Variants in RMDN2 observed in about 807,000 individuals in gnomAD.
RMDN2 encodes the protein regulator of microtubule dynamics 2.
In RMDN2, 61 loss-of-function variants were observed where a neutral mutation model predicts 52.8. That is an observed-to-expected ratio of 1.16 (90% CI 0.94 to 1.43). The LOEUF is 1.43. RMDN2 is among the 40% of genes most tolerant of loss of function. The pLI is 0.00. For missense variants in RMDN2, 592 were observed against 475.3 expected (o/e 1.25, Z -2.28); for synonymous variants, 180 against 153.1 (o/e 1.18, Z -1.30).
At chr2:37,985,665 G>T (rs560640004) in intron 5 of RMDN2, among the ~76,000 whole-genome samples, 2 of 152,190 alleles carry the variant, frequency 1.3e-5, no homozygotes, top group East Asian at 3.9e-4. Context: ...AAGTATGCTT[G>T]TAAAAGTTAC....
At chr2:37,948,723 G>C (rs930885299) in intron 2 of RMDN2, among the ~76,000 whole-genome samples, 2 of 152,060 alleles carry the variant, frequency 1.3e-5, no homozygotes, top group Non-Finnish European at 2.9e-5. Context: ...TTTCTTTTCT[G>C]ATGTCTGAGC....
At chr2:37,970,268 T>C (rs1275950080) in intron 2 of RMDN2, among the ~76,000 whole-genome samples, 1 of 152,156 alleles carries the variant, frequency 6.6e-6, no homozygotes, top group Non-Finnish European at 1.5e-5. Flanking sequence ...TGAAGTGGTG[T>C]TGGAATTTAT....
rs376426321 is a variant in RMDN2, at chr2:37,981,320, C to T, written c.768C>T (p.Pro256=). 1.2e-4 allele frequency: 186 copies of T among 1,606,302 alleles called. No individual in the cohort carries two copies. Among genetic ancestry groups the T allele is most frequent in the Non-Finnish European group, 1.5e-4 (181 of 1,173,088 alleles). Residue 256 remains proline, a synonymous_variant, in exon 5 of 11, where the codon CCC becomes CCT. Transcript: ENST00000354545. ...TLSERAINRA[P]MNGHCHLWYA... is the part of the protein sequence containing the mutation. ...GTGAAAGAGCTATTAATAGAGCACCCATGAATGGACATTGTCATCTGTGGT... is the reference window on the plus strand; with the variant it reads ...GTGAAAGAGCTATTAATAGAGCACCTATGAATGGACATTGTCATCTGTGGT...
At chr2:37,974,545 A>G (rs1672216397) in intron 3 of RMDN2, 1 of 154,132 alleles carries the variant, frequency 6.5e-6, no homozygotes, top group Non-Finnish European at 1.4e-5. Flanking sequence ...TGGGTATTCA[A>G]AGCTATTTCT....
chr2:37,924,980 T>C (rs1428905718), upstream of RMDN2, among the ~76,000 whole-genome samples: 2 of 151,786 alleles, frequency 1.3e-5, no homozygotes, highest in Non-Finnish European at 2.9e-5. Flanking sequence ...AGGGAGTGGG[T>C]TTGAGAGCCG....
At chr2:38,041,207 A>C (rs1398395523) in intron 10 of RMDN2, among the ~76,000 whole-genome samples, 2 of 152,186 alleles carry the variant, frequency 1.3e-5, no homozygotes, top group Admixed American at 1.3e-4. Flanking sequence ...TGAGACAATC[A>C]ACACTAAGGC....
intron 10 of RMDN2, among the ~76,000 whole-genome samples, chr2:38,041,898 A>G (rs1340741418): frequency 6.6e-6 from 1 of 152,114 alleles, no homozygotes; most frequent in African/African-American, 2.4e-5. Context: ...CATAAAAGAT[A>G]TTGGTTTGTT....
intron 8 of RMDN2, chr2:37,998,411 A>G (rs538001549): frequency 6.6e-6 from 1 of 152,220 alleles, no homozygotes; most frequent in South Asian, 2.1e-4. Flanking sequence ...CAACAGTCCC[A>G]GCTACTCAGG....
intron 2 of RMDN2, among the ~76,000 whole-genome samples, chr2:37,938,789 T>G (rs1378332916): frequency 6.6e-6 from 1 of 152,204 alleles, no homozygotes; most frequent in Non-Finnish European, 1.5e-5. Context: ...CTTCTCTCCT[T>G]TCTTCTTTAT....
At chr2:38,056,922 C>G (rs1043111640) in intron 10 of RMDN2, among the ~76,000 whole-genome samples, 7 of 152,182 alleles carry the variant, frequency 4.6e-5, no homozygotes, top group Non-Finnish European at 1.0e-4. Flanking sequence ...CCTCCACTTG[C>G]AATATGGAAT....
chr2:37,978,202 C>T (rs890564879), intron 4 of RMDN2, among the ~76,000 whole-genome samples: 2 of 151,926 alleles, frequency 1.3e-5, no homozygotes, highest in African/African-American at 2.4e-5. Flanking sequence ...TGCCTGCAAT[C>T]GCAGGTACTT....
intron 2 of RMDN2, among the ~76,000 whole-genome samples, chr2:37,961,893 T>G (rs1030969121): frequency 2.0e-5 from 3 of 152,204 alleles, no homozygotes; most frequent in African/African-American, 7.2e-5. Context: ...TCCTTTTTGT[T>G]GATTTTGATG....
intron 10 of RMDN2, among the ~76,000 whole-genome samples, chr2:38,005,044 C>T (rs546321034): frequency 6.6e-6 from 1 of 152,208 alleles, no homozygotes; most frequent in Non-Finnish European, 1.5e-5. Flanking sequence ...TTTTTTATGG[C>T]TGCATAGTAT....
At chr2:38,042,395 T>TCCC in intron 10 of RMDN2, among the ~76,000 whole-genome samples, 1 of 117,194 alleles carries the variant, frequency 8.5e-6, no homozygotes, top group Non-Finnish European at 1.6e-5. Context: ...TTCCAAAACC[T>TCCC]CCCCCCGCCA....
At chr2:38,021,484 G>C (rs560457938), downstream of RMDN2, among the ~76,000 whole-genome samples, 35 of 152,006 alleles carry the variant, frequency 2.3e-4, no homozygotes, top group African/African-American at 8.2e-4. Flanking sequence ...AACACTCACC[G>C]CGAAGGTCTG....
At chr2:37,991,860 G>T (rs934999897) in intron 7 of RMDN2, among the ~76,000 whole-genome samples, 2 of 152,154 alleles carry the variant, frequency 1.3e-5, no homozygotes, top group African/African-American at 4.8e-5. Flanking sequence ...CAGCTGGTCC[G>T]TGTCTTAAAT....
At chr2:37,984,731 G>C (rs910270801) in intron 5 of RMDN2, among the ~76,000 whole-genome samples, 2 of 151,866 alleles carry the variant, frequency 1.3e-5, no homozygotes, top group Non-Finnish European at 2.9e-5. Context: ...TCAATGCAAA[G>C]AAAAATACAG....
At chr2:37,967,389 A>G (rs1671200961) in intron 2 of RMDN2, among the ~76,000 whole-genome samples, 2 of 152,250 alleles carry the variant, frequency 1.3e-5, no homozygotes, top group Non-Finnish European at 2.9e-5. Context: ...AGGAATCATA[A>G]CAGGAGATGA....
chr2:37,977,694 G>T lies in RMDN2; in HGVS notation c.730+2380G>T, dbSNP rs563479182. ...TCAATTCCCAGACGGGGTCGCGGCCGGGTAGAGGCGCTCTTCACATCTCAG... is the reference window on the plus strand; with the variant it reads ...TCAATTCCCAGACGGGGTCGCGGCCTGGTAGAGGCGCTCTTCACATCTCAG... On this transcript the variant is annotated intron_variant, in intron 4 of 10. Coordinates refer to ENST00000354545, the MANE Select transcript of RMDN2 (RefSeq NM_001170791.3). Among the ~76,000 whole-genome samples the T allele has an allele frequency of 5.9e-5, 9 of 151,860 alleles. No individual in the cohort carries two copies. In the South Asian group the frequency reaches 1.0e-3, roughly 18 times the overall value.
Sources: gnomAD v4.1 joint callset for allele counts (sites outside exome capture counted in the v4.1 genomes callset) on GRCh38, gnomAD v4.1.1 for gene constraint, MANE v1.5 for transcripts, NCBI Gene and HGNC (gene_info 2026-07-23, HGNC 2026-07-21) for gene names.